MYH13: variants seen among roughly 807,000 people sequenced by gnomAD.
MYH13 encodes myosin heavy chain 13.
A neutral mutation model predicts 232.1 loss-of-function variants in MYH13; 177 were observed. That is an observed-to-expected ratio of 0.76 (90% CI 0.67 to 0.86). MYH13 has a LOEUF of 0.86. MYH13 is among the 40% of genes least tolerant of loss of function. MYH13 has a pLI of 0.00. For missense variants in MYH13, 2,246 were observed against 2,405.9 expected, an observed-to-expected ratio of 0.93 and a Z score of 1.39; for synonymous variants, 884 against 923.5, an observed-to-expected ratio of 0.96 and a Z score of 0.78.
At chr17:10,366,596 G>T (rs1400792511) in intron 2 of MYH13, among the ~76,000 whole-genome samples, 1 of 151,994 alleles carries the variant, frequency 6.6e-6, no homozygotes, top group Non-Finnish European at 1.5e-5. Flanking sequence ...AGTCAGGCTG[G>T]TCTTGAACTC....
chr17:10,352,835 G>GTTTAATTTAA (rs2071720617), intron 11 of MYH13, among the ~76,000 whole-genome samples: 1 of 152,166 alleles, frequency 6.6e-6, no homozygotes, highest in East Asian at 1.9e-4. Context: ...ATTAAATTTG[G>GTTTAATTTAA]TCTAAAACTG....
At chr17:10,301,727 T>C (rs372475422) in intron 39 of MYH13, 24 bp from the exon 40 acceptor site, 29 of 1,611,628 alleles carry the variant, frequency 1.8e-5, no homozygotes, top group Non-Finnish European at 2.3e-5. Flanking sequence ...AGAGGGGGTA[T>C]GACGCTGTAG....
intron 14 of MYH13, 42 bp downstream of exon 14, chr17:10,345,425 G>C: frequency 6.2e-7 from 1 of 1,614,188 alleles, no homozygotes; most frequent in Non-Finnish European, 8.5e-7. Flanking sequence ...ATACATTGGA[G>C]ATTCAGCAAA....
intron 40 of MYH13, 80 bp downstream of exon 40, chr17:10,301,489 T>G (rs1202929868): frequency 6.3e-7 from 1 of 1,581,274 alleles, no homozygotes; most frequent in African/African-American, 1.3e-5. Flanking sequence ...CCTCCCACAC[T>G]CAGGCATTCG....
chr17:10,362,571 G>A (rs1205750307), intron 3 of MYH13, 68 bp from the exon 4 acceptor site: 5 of 1,589,220 alleles, frequency 3.1e-6, no homozygotes, highest in Admixed American at 3.4e-5. Flanking sequence ...CTTTACTGGT[G>A]TGGTGGAAGT....
chr17:10,355,038 T>C lies in MYH13; in HGVS notation c.803-45A>G, dbSNP rs758719161. On this transcript the variant is annotated intron_variant, in intron 9 of 40. Transcript: ENST00000252172. ...GTGATTTCAGGCTCCCAAGAGATGC[T>C]TTTGTGGCCAAAACACCAACGGATT... 1.9e-6 allele frequency: 3 copies of C among 1,610,930 alleles called. No individual in the cohort carries two copies. The South Asian group carries it at 3.3e-5, about 18-fold the overall frequency.
At chr17:10,326,729 G>A (rs1024537607) in intron 22 of MYH13, among the ~76,000 whole-genome samples, 4 of 150,520 alleles carry the variant, frequency 2.7e-5, no homozygotes, top group Non-Finnish European at 4.4e-5. Flanking sequence ...TGCCCGCCTC[G>A]GTCTCCCACA....
chr17:10,355,029 AAG>A (rs2071738586), intron 9 of MYH13, 36 bp from the exon 10 acceptor site: 1 of 1,610,758 alleles, frequency 6.2e-7, no homozygotes, highest in African/African-American at 1.3e-5. Context: ...TCAGGCTCCC[AAG>A]AGATGCTTTT....
At chr17:10,365,095 G>T (rs1014942526) in intron 2 of MYH13, among the ~76,000 whole-genome samples, 3 of 152,046 alleles carry the variant, frequency 2.0e-5, no homozygotes, top group Non-Finnish European at 2.9e-5. Context: ...GGCTGGTCTT[G>T]AACTCCTGAC....
In MYH13 at chr17:10,333,189, C is replaced by T. The variant is rs376737269; in HGVS notation, c.2059G>A (p.Val687Met). ...TGCATGACCAAGTAGTGGTCCATCA[C>T]ACCTGGAGAGAGAACGTCCCGGGGG... is the stretch of plus-strand genomic sequence containing the variant. Reference protein sequence around the residue: ...LIPNETKTPGVMDHYLVMHQL... With the variant: ...LIPNETKTPGMMDHYLVMHQL... The change falls in exon 19 of 41, where the codon GTG (valine) becomes ATG (methionine). Residue 687 changes from valine (V) to methionine (M), a missense_variant and splice_region_variant. Val to Met is a conservative substitution (Grantham distance 21). Transcript: ENST00000252172. The T allele has an allele frequency of 7.4e-5, 114 of 1,545,412 alleles. No homozygotes were observed. The African/African-American group carries it at 1.5e-3, about 20-fold the overall frequency.
At position 10,357,369 on chromosome 17, in the gene MYH13, C is replaced by T. The variant is rs191585178; in HGVS notation, c.738+366G>A. On this transcript the variant is annotated intron_variant, in intron 8 of 40. Coordinates refer to ENST00000252172, the MANE Select transcript of MYH13 (RefSeq NM_003802.3). Reference sequence around the variant, plus strand: ...CTAACTTAATTCACACTAAGGTTTCCGTGGCTAGACCAATAGATATGGCTT... The same window carrying T: ...CTAACTTAATTCACACTAAGGTTTCTGTGGCTAGACCAATAGATATGGCTT... Among the ~76,000 whole-genome samples, 878 of 152,306 alleles carry T rather than the reference C, an allele frequency of 5.8e-3. 6 individuals carry two copies. Among genetic ancestry groups the T allele is most frequent in the African/African-American group, 0.02 (813 of 41,564 alleles).
chr17:10,324,382 A>G, intron 22 of MYH13, 118 bp from the exon 23 acceptor site: 1 of 1,160,046 alleles, frequency 8.6e-7, no homozygotes, highest in East Asian at 2.4e-5. Context: ...GGTCATGCAC[A>G]CACATGCACG....
intron 18 of MYH13, among the ~76,000 whole-genome samples, chr17:10,337,004 G>A (rs1056821728): frequency 4.0e-5 from 6 of 150,276 alleles, no homozygotes; most frequent in South Asian, 4.2e-4. Context: ...TGCACCCACC[G>A]CCTCCTGGGT....
chr17:10,360,146 A>G lies in MYH13; in HGVS notation c.533+15T>C. 1 of 1,614,166 alleles carries G rather than the reference A, an allele frequency of 6.2e-7. No individual in the cohort carries two copies. The highest frequency in any genetic ancestry group is 8.5e-7 in the Non-Finnish European group (1 of 1,180,000). On this transcript the variant is annotated intron_variant, in intron 6 of 40. Transcript: ENST00000252172. ...TGGTTTCCAAGTCATGATGGTACAA[A>G]GAGGTGTTACTCACGTGATGAGGAT...
intron 12 of MYH13, 114 bp downstream of exon 12, chr17:10,350,442 T>G: frequency 6.9e-7 from 1 of 1,449,222 alleles, no homozygotes; most frequent in Non-Finnish European, 9.3e-7. Context: ...CCAGATTTGA[T>G]TTATGCAGTT....
At chr17:10,334,631 G>A (rs1257450425) in intron 18 of MYH13, among the ~76,000 whole-genome samples, 5 of 152,116 alleles carry the variant, frequency 3.3e-5, no homozygotes, top group East Asian at 3.9e-4. Flanking sequence ...TGTAATCACC[G>A]CACTTGGGAG....
At chr17:10,338,723 C>T (rs1472355479) in intron 18 of MYH13, among the ~76,000 whole-genome samples, 18 of 109,548 alleles carry the variant, frequency 1.6e-4, no homozygotes, top group Middle Eastern at 0.01. Context: ...TTTTTTGAGA[C>T]GGAGTTTCGC....
chr17:10,303,866 C>A (rs1165861054), intron 37 of MYH13, among the ~76,000 whole-genome samples: 1 of 152,106 alleles, frequency 6.6e-6, no homozygotes, highest in African/African-American at 2.4e-5. Flanking sequence ...GCCTTGGAAC[C>A]AACCCAAATG....
At chr17:10,312,868 GACCAAGACC>G (rs1906560105) in intron 30 of MYH13, 111 bp from the exon 31 acceptor site, 1 of 1,261,294 alleles carries the variant, frequency 7.9e-7, no homozygotes, top group Admixed American at 2.7e-5. Context: ...TGTTTGATGA[GACCAAGACC>G]TAGGATTTGG....
Sources: allele counts gnomAD v4.1 joint callset (sites outside exome capture counted in the v4.1 genomes callset), GRCh38; gene constraint gnomAD v4.1.1; transcripts MANE v1.5; gene names NCBI Gene and HGNC (gene_info 2026-07-23, HGNC 2026-07-21).